Variants in LGALS8 observed in about 807,000 individuals in gnomAD.
LGALS8 encodes the protein galectin 8.
LGALS8 carries 30 observed loss-of-function variants against 35.9 expected under a neutral mutation model. The observed-to-expected ratio is 0.83, with a 90% CI of 0.62 to 1.13. LGALS8 has a LOEUF of 1.13. Among genes scored for constraint, LGALS8 ranks in the 50% most tolerant of loss-of-function variants. The probability of loss-of-function intolerance (pLI) is 0.00; values close to 1 mark genes in which losing one functional copy is unlikely to be tolerated. For synonymous variants in LGALS8, 138 were observed against 136.1 expected, an observed-to-expected ratio of 1.01 and a Z score of -0.10; for missense variants, 366 against 388.7, an observed-to-expected ratio of 0.94 and a Z score of 0.49.
chr1:236,539,708 G>A (rs1661835670), intron 4 of LGALS8, among the ~76,000 whole-genome samples: 1 of 152,176 alleles, frequency 6.6e-6, no homozygotes, highest in Non-Finnish European at 1.5e-5. Flanking sequence ...AATGCCTCTG[G>A]CGCAGATCCT....
At chr1:236,540,430 G>A in intron 4 of LGALS8, 134 bp from the exon 5 acceptor site, 2 of 990,664 alleles carry the variant, frequency 2.0e-6, no homozygotes, top group Non-Finnish European at 2.8e-6. Context: ...TTACCATTTG[G>A]TCATGTGTGT....
intron 2 of LGALS8, among the ~76,000 whole-genome samples, chr1:236,530,873 C>G (rs1661103556): frequency 6.6e-6 from 1 of 152,156 alleles, no homozygotes; most frequent in African/African-American, 2.4e-5. Flanking sequence ...CATGCATTTT[C>G]CTTCTACCCT....
intron 2 of LGALS8, among the ~76,000 whole-genome samples, chr1:236,533,622 C>A (rs918481796): frequency 9.7e-5 from 14 of 144,304 alleles, no homozygotes; most frequent in African/African-American, 2.6e-4. Context: ...GTGTTAGCCA[C>A]TGCGCCTGAC....
In LGALS8 at chr1:236,525,096, A is replaced by T. The variant is rs137988375; in HGVS notation, c.-103-872A>T. ...TTAAAAAATGTGGCTGATGCTTTCC[A>T]ACACTCCCCTGCCCTGTGATTATTA... On this transcript the variant is annotated intron_variant, in intron 1 of 9. Transcript: ENST00000366584. Among the ~76,000 whole-genome samples, 87 of 152,302 alleles carry T rather than the reference A, an allele frequency of 5.7e-4. 1 individual carries two copies. The East Asian group carries it at 0.012, about 21-fold the overall frequency.
Position 236,549,350 on chromosome 1 carries a change from T to C in LGALS8, c.*1189T>C, listed in dbSNP as rs1353234888. The C allele has an allele frequency of 5.5e-6, 1 of 183,102 alleles. No individual in the cohort carries two copies. Among genetic ancestry groups the C allele is most frequent in the Non-Finnish European group, 1.1e-5 (1 of 88,784 alleles). 11.3% of individuals were successfully genotyped at this position (183,102 alleles called of 1,614,324 possible). A position where few individuals can be genotyped will look rare whatever the true frequency, so the allele number is the denominator to read the frequency against. On this transcript the variant is annotated 3_prime_UTR_variant, in exon 10 of 10. Transcript: ENST00000366584. ...GTATATGGGATCTTTACAGGTCAGA[T>C]CTTGTTACAGGAAATTTCAAAGGTT...
At chr1:236,527,113 A>G (rs1660855429) in intron 2 of LGALS8, among the ~76,000 whole-genome samples, 1 of 118,842 alleles carries the variant, frequency 8.4e-6, no homozygotes, top group African/African-American at 2.5e-5. Flanking sequence ...ATTTCCTGCA[A>G]AGATCTTAAC....
At chr1:236,545,022 GTA>G in intron 9 of LGALS8, 107 bp downstream of exon 9, 1 of 822,254 alleles carries the variant, frequency 1.2e-6, no homozygotes. Flanking sequence ...TGGAAGTTGT[GTA>G]TGTTTTTTGT....
At chr1:236,545,194 TGTCTCAGGACTGGA>T (rs1662287531) in intron 9 of LGALS8, 3 of 248,772 alleles carry the variant, frequency 1.2e-5, no homozygotes, top group African/African-American at 6.6e-5. Flanking sequence ...CCAGGAAGCT[TGTCTCAGGACTGGA>T]GTCACACATT....
chr1:236,525,756 ATTT>A, intron 1 of LGALS8, among the ~76,000 whole-genome samples: 1 of 152,256 alleles, frequency 6.6e-6, no homozygotes, highest in African/African-American at 2.4e-5. Context: ...CTACTGATGT[ATTT>A]TTTAAGTCAA....
At chr1:236,540,427 T>A in intron 4 of LGALS8, 137 bp from the exon 5 acceptor site, 1 of 940,644 alleles carries the variant, frequency 1.1e-6, no homozygotes. Context: ...CGGTTACCAT[T>A]TGGTCATGTG....
intron 3 of LGALS8, among the ~76,000 whole-genome samples, chr1:236,537,955 A>G (rs1486039984): frequency 1.1e-5 from 1 of 89,664 alleles, no homozygotes; most frequent in Non-Finnish European, 2.9e-5. Context: ...AAAATTTAAA[A>G]ATTAACTGGC....
chr1:236,535,937 G>T (rs549101659), intron 2 of LGALS8, among the ~76,000 whole-genome samples: 2 of 152,338 alleles, frequency 1.3e-5, no homozygotes, highest in Admixed American at 1.3e-4. Context: ...CATTCACCAT[G>T]CAGTTACCGA....
chr1:236,519,401 AAAG>A (rs1242001418), upstream of LGALS8, among the ~76,000 whole-genome samples: 4 of 152,128 alleles, frequency 2.6e-5, no homozygotes, highest in Admixed American at 2.6e-4. Context: ...AAAAAAAAAA[AAAG>A]ACTATTTCTA....
upstream of LGALS8, among the ~76,000 whole-genome samples, chr1:236,520,285 T>A (rs1468524533): frequency 6.6e-6 from 1 of 151,622 alleles, no homozygotes. Context: ...ATTTTAAGTA[T>A]GTGTGTAGTA....
At chr1:236,545,634 C>T (rs1490134579) in intron 9 of LGALS8, among the ~76,000 whole-genome samples, 4 of 152,102 alleles carry the variant, frequency 2.6e-5, no homozygotes, top group Non-Finnish European at 5.9e-5. Flanking sequence ...GAGGACTCAT[C>T]AAAACTCGTT....
At chr1:236,520,394 A>C (rs529658840), upstream of LGALS8, among the ~76,000 whole-genome samples, 12 of 139,268 alleles carry the variant, frequency 8.6e-5, no homozygotes, top group South Asian at 2.7e-3. Flanking sequence ...AAAAAAAAAA[A>C]CAACAGGAGA....
chr1:236,548,363 C>A lies in LGALS8; in HGVS notation c.*202C>A. On this transcript the variant is annotated 3_prime_UTR_variant, in exon 10 of 10. Transcript: ENST00000366584. ...TGAATGGGGAAACTGGGGGCAGCAA[C>A]ACTTATAGCCAGTTAAAGCCACTCT... The A allele has an allele frequency of 1.8e-6, 1 of 564,064 alleles. No homozygotes were observed. Among genetic ancestry groups the A allele is most frequent in the South Asian group, 2.2e-5 (1 of 45,212 alleles). The allele number at this position is 564,064 out of a possible 1,614,324, so 34.9% of individuals were successfully genotyped here. A position where few individuals can be genotyped will look rare whatever the true frequency, so the allele number is the denominator to read the frequency against.
At chr1:236,524,715 G>C in intron 1 of LGALS8, 1 of 309,544 alleles carries the variant, frequency 3.2e-6, no homozygotes, top group South Asian at 2.7e-5. Context: ...GCTTAAATTG[G>C]GTCACTGGCT....
At position 236,542,793 on chromosome 1, in the gene LGALS8, T is replaced by C; in HGVS notation, c.549+6T>C. On this transcript the variant is annotated splice_donor_region_variant and intron_variant, in intron 7 of 9. Coordinates refer to ENST00000366584, the MANE Select transcript of LGALS8 (RefSeq NM_201544.4). ...AGTCTGGCACGCCCCAGCTTGTGAG[T>C]ATTTTTGCCTGGGTTATTTCATGTG... The C allele has an allele frequency of 5.0e-6, 8 of 1,614,210 alleles. No individual in the cohort carries two copies. Among genetic ancestry groups the C allele is most frequent in the Non-Finnish European group, 6.8e-6 (8 of 1,180,018 alleles).
Sources: gnomAD v4.1 joint callset for allele counts (sites outside exome capture counted in the v4.1 genomes callset) on GRCh38, gnomAD v4.1.1 for gene constraint, MANE v1.5 for transcripts, NCBI Gene and HGNC (gene_info 2026-07-23, HGNC 2026-07-21) for gene names.